Variants in ASTN1 observed in about 807,000 individuals in gnomAD.
The protein encoded by ASTN1 is astrotactin-1.
Under a neutral mutation model 140.7 loss-of-function variants are expected in ASTN1, and 41 were observed. That is an observed-to-expected ratio of 0.29 (90% CI 0.23 to 0.38). ASTN1 has a LOEUF of 0.38. Ranked by LOEUF, ASTN1 falls within the 10% of genes least tolerant of loss-of-function variation. The pLI is 1.00. For synonymous variants in ASTN1, 640 were observed against 652.2 expected (o/e 0.98, Z 0.29); for missense variants, 1,479 against 1,678.8 (o/e 0.88, Z 2.08).
chr1:177,156,457 G>A (rs367646446), intron 1 of ASTN1, among the ~76,000 whole-genome samples: 215 of 152,192 alleles, frequency 1.4e-3, no homozygotes, highest in African/African-American at 4.9e-3. Flanking sequence ...GGAGCCAACT[G>A]AAAGAGCTCC....
intron 1 of ASTN1, among the ~76,000 whole-genome samples, chr1:177,070,161 A>C (rs1032012303): frequency 5.3e-5 from 8 of 152,218 alleles, no homozygotes; most frequent in Non-Finnish European, 1.5e-5. Context: ...GAGCTTTGCA[A>C]GTCCTTGAGG....
At chr1:176,949,125 G>T in intron 12 of ASTN1, 60 bp downstream of exon 12, 1 of 1,596,686 alleles carries the variant, frequency 6.3e-7, no homozygotes. Flanking sequence ...ATTTAGCATT[G>T]AAAGTCCTGC....
chr1:177,108,132 A>G (rs1239212253), intron 1 of ASTN1, among the ~76,000 whole-genome samples: 1 of 151,986 alleles, frequency 6.6e-6, no homozygotes, highest in Non-Finnish European at 1.5e-5. Context: ...GGCAGATCAC[A>G]AGGTCAGGAG....
rs536999209 is a variant in ASTN1 at position 177,067,076 on chromosome 1, C to T, written c.284-5811G>A. ...TTCAAAGTTGCTGTTAGTCTAAGAA[C>T]GCTTATCCAAACCAAATCTAGTATG... On this transcript the variant is annotated intron_variant, in intron 1 of 22. Transcript: ENST00000361833. Among the ~76,000 whole-genome samples the T allele has an allele frequency of 2.2e-4, 33 of 151,896 alleles. No homozygotes were observed. In the South Asian group the frequency reaches 2.5e-3, roughly 11 times the overall value.
intron 1 of ASTN1, among the ~76,000 whole-genome samples, chr1:177,110,544 T>C (rs1680775069): frequency 6.6e-6 from 1 of 152,184 alleles, no homozygotes; most frequent in Non-Finnish European, 1.5e-5. Context: ...ATGGTTAGAA[T>C]TATTTCTAGA....
chr1:176,866,985 TAATG>T (rs374928233), intron 22 of ASTN1, among the ~76,000 whole-genome samples: 2 of 152,344 alleles, frequency 1.3e-5, no homozygotes, highest in African/African-American at 4.8e-5. Context: ...TCCTGCAGAC[TAATG>T]AAACTACACA....
At position 176,905,194 on chromosome 1, in the gene ASTN1, C is replaced by T. The variant is rs116497204; in HGVS notation, c.2672-10364G>A. Among the ~76,000 whole-genome samples the T allele has an allele frequency of 9.5e-3, 1,452 of 152,278 alleles. 26 individuals are homozygous for T. The highest frequency in any genetic ancestry group is 0.033 in the African/African-American group (1,376 of 41,544). ...GGGTAAAACTGACAAACTGCCATTA[C>T]TTGCCCCAGCTCCACAGTACAAACA... On this transcript the variant is annotated intron_variant, in intron 16 of 22. Transcript: ENST00000361833.
intron 5 of ASTN1, among the ~76,000 whole-genome samples, chr1:177,026,049 C>A (rs536726446): frequency 6.6e-6 from 1 of 152,208 alleles, no homozygotes; most frequent in African/African-American, 2.4e-5. Context: ...CCCAGTGGTG[C>A]CTTTGGAACT....
chr1:176,875,166 G>A (rs1668509266), intron 21 of ASTN1, among the ~76,000 whole-genome samples: 1 of 152,186 alleles, frequency 6.6e-6, no homozygotes, highest in Non-Finnish European at 1.5e-5. Flanking sequence ...TGCAGAATAA[G>A]AGGTGTTCAT....
chr1:176,985,219 C>A (rs1673830598), intron 8 of ASTN1, among the ~76,000 whole-genome samples: 1 of 152,140 alleles, frequency 6.6e-6, no homozygotes, highest in African/African-American at 2.4e-5. Flanking sequence ...AAGTCTTTTC[C>A]TATGCCAAGG....
intron 8 of ASTN1, among the ~76,000 whole-genome samples, chr1:176,992,827 T>C (rs1323337555): frequency 2.0e-5 from 3 of 152,182 alleles, no homozygotes; most frequent in Admixed American, 1.3e-4. Context: ...TATTGAACAG[T>C]GCTGTGGGTT....
chr1:176,950,529 G>C (rs150821251), intron 11 of ASTN1, among the ~76,000 whole-genome samples: 25 of 152,166 alleles, frequency 1.6e-4, no homozygotes, highest in African/African-American at 4.8e-4. Context: ...TTAGAGGTAA[G>C]GACACCATTA....
intron 1 of ASTN1, among the ~76,000 whole-genome samples, chr1:177,101,098 TA>T (rs962463326): frequency 1.3e-5 from 2 of 151,776 alleles, no homozygotes; most frequent in Non-Finnish European, 2.9e-5. Flanking sequence ...CTCAAAAAAA[TA>T]AAAAAAATTT....
At chr1:176,988,061 C>A (rs1317880678) in intron 8 of ASTN1, among the ~76,000 whole-genome samples, 1 of 152,066 alleles carries the variant, frequency 6.6e-6, no homozygotes, top group African/African-American at 2.4e-5. Context: ...GGGAACAGGT[C>A]TCATGTTCAA....
At chr1:176,971,423 A>T (rs569207966) in intron 8 of ASTN1, among the ~76,000 whole-genome samples, 1 of 152,328 alleles carries the variant, frequency 6.6e-6, no homozygotes, top group South Asian at 2.1e-4. Flanking sequence ...AAGAATAATG[A>T]TGAATAATGA....
intron 1 of ASTN1, among the ~76,000 whole-genome samples, chr1:177,141,016 A>T (rs1682444952): frequency 6.6e-6 from 1 of 152,164 alleles, no homozygotes; most frequent in African/African-American, 2.4e-5. Flanking sequence ...AGATATCGAG[A>T]CCATCCTGGC....
chr1:177,030,927 C>A lies in ASTN1; in HGVS notation c.891G>T (p.Leu297=), dbSNP rs758039199. The A allele has an allele frequency of 1.9e-6, 3 of 1,613,636 alleles. No homozygotes were observed. The South Asian group carries it at 3.3e-5, about 18-fold the overall frequency. ...TAATATTATCTTTATACTTGTTCAT[C>A]AGTGACAGCTTGGCATTGTCACTTC... ...TPGSDNAKLS[L]MNKYKDNIIA... is the part of the protein sequence containing the mutation. Residue 297 remains leucine, a synonymous_variant, in exon 4 of 23, where the codon CTG becomes CTT. Transcript: ENST00000361833.
rs1207973069 is a variant in ASTN1 at position 177,040,677 on chromosome 1, T to A, written c.472-7828A>T. Reference sequence around the variant, plus strand: ...CAGGAGGAAATTCAACTCTCTAGCTTTTTAATTACTTTTTAATTTAATTGT... The same window carrying A: ...CAGGAGGAAATTCAACTCTCTAGCTATTTAATTACTTTTTAATTTAATTGT... On this transcript the variant is annotated intron_variant, in intron 2 of 22. Coordinates refer to ENST00000361833, the MANE Select transcript of ASTN1 (RefSeq NM_004319.3). 2.0e-5 allele frequency among the ~76,000 whole-genome samples: 3 copies of A among 152,224 alleles called. No homozygotes were observed. In the East Asian group the frequency reaches 5.8e-4, roughly 29 times the overall value.
chr1:177,146,433 C>T (rs1682725708), intron 1 of ASTN1, among the ~76,000 whole-genome samples: 1 of 152,160 alleles, frequency 6.6e-6, no homozygotes, highest in Admixed American at 6.5e-5. Flanking sequence ...ATATTTTGTA[C>T]ACTCTTTATT....
Sources: gnomAD v4.1 joint callset for allele counts (sites outside exome capture counted in the v4.1 genomes callset) on GRCh38, gnomAD v4.1.1 for gene constraint, MANE v1.5 for transcripts, NCBI Gene and HGNC (gene_info 2026-07-23, HGNC 2026-07-21) for gene names.